The following TRAM2 variants were observed in gnomAD, a reference collection of about 807,000 sequenced individuals.
TRAM2 encodes translocation associated membrane protein 2, also known as translocating chain-associated membrane protein 2.
Under a neutral mutation model 51.0 loss-of-function variants are expected in TRAM2, and 12 were observed. The observed-to-expected ratio is 0.24, with a 90% CI of 0.15 to 0.38. TRAM2 has a LOEUF of 0.38. TRAM2 is among the 10% of genes least tolerant of loss of function. TRAM2 has a pLI of 1.00. For synonymous variants in TRAM2, 175 were observed against 179.4 expected (o/e 0.98, Z 0.20); for missense variants, 361 against 462.0 (o/e 0.78, Z 2.00).
chr6:52,522,754 C>T (rs1766699993), intron 2 of TRAM2: 1 of 594,164 alleles, frequency 1.7e-6, no homozygotes, highest in Non-Finnish European at 3.0e-6. Context: ...AAAGAGAGAC[C>T]TGAAATAATC....
chr6:52,498,426 C>G lies in TRAM2; in HGVS notation c.*4771G>C, dbSNP rs560678523. The G allele has an allele frequency of 6.6e-6, 1 of 152,140 alleles. No homozygotes were observed. The highest frequency in any genetic ancestry group is 2.4e-5 in the African/African-American group (1 of 41,364). The allele number at this position is 152,140 out of a possible 1,614,324, so 9.4% of individuals were successfully genotyped here. A position where few individuals can be genotyped will look rare whatever the true frequency, so the allele number is the denominator to read the frequency against. ...GAGACTGGGAAGTAAAAGTAAACAC[C>G]TTTATCATATAAACTTTGGGCTGAA... On this transcript the variant is annotated 3_prime_UTR_variant, in exon 11 of 11. Transcript: ENST00000182527.
intron 2 of TRAM2, among the ~76,000 whole-genome samples, chr6:52,521,003 A>C (rs1020669709): frequency 6.6e-6 from 1 of 152,100 alleles, no homozygotes; most frequent in East Asian, 1.9e-4. Flanking sequence ...CCCGGGTTCA[A>C]GCAATTCTCT....
chr6:52,556,127 A>G (rs1767400198), intron 1 of TRAM2, among the ~76,000 whole-genome samples: 1 of 151,988 alleles, frequency 6.6e-6, no homozygotes, highest in African/African-American at 2.4e-5. Context: ...AGAAGGGACA[A>G]GGTGAGGGGT....
chr6:52,528,886 CTT>C lies in TRAM2; in HGVS notation c.184+6895_184+6896del, dbSNP rs144917424. ...CACTGCCTTACAAACGTGTACATGA[CTT>C]TTTTTTTTTTTTTTTTTTTTGAGAC... On this transcript the variant is annotated intron_variant, in intron 2 of 10. Coordinates refer to ENST00000182527, the MANE Select transcript of TRAM2 (RefSeq NM_012288.4). Among the ~76,000 whole-genome samples the C allele has an allele frequency of 8.0e-3, 1,028 of 128,358 alleles. 4 individuals carry two copies. Among genetic ancestry groups the C allele is most frequent in the Middle Eastern group, 0.028 (7 of 250 alleles). The allele number at this position is 128,358 out of a possible 152,430, so 84.2% of individuals were successfully genotyped here.
Position 52,510,196 on chromosome 6 carries a change from A to G in TRAM2, c.412-610T>C, listed in dbSNP as rs116099260. Among the ~76,000 whole-genome samples, 1,000 of 152,266 alleles carry G rather than the reference A, an allele frequency of 6.6e-3. 14 individuals carry two copies. Among genetic ancestry groups the G allele is most frequent in the African/African-American group, 0.023 (939 of 41,550 alleles). On this transcript the variant is annotated intron_variant, in intron 4 of 10. Coordinates refer to ENST00000182527, the MANE Select transcript of TRAM2 (RefSeq NM_012288.4). The stretch of plus-strand genomic sequence containing the variant: ...TGTGTCATTACTGTCAGTTGTTTCC[A>G]TTACTCTTGCAAGTCCCTTCACACT...
At chr6:52,505,833 A>T in intron 8 of TRAM2, 91 bp from the exon 9 acceptor site, 1 of 1,509,096 alleles carries the variant, frequency 6.6e-7, no homozygotes, top group East Asian at 2.3e-5. Context: ...GAGTGGGAAG[A>T]GGATTCAAGG....
At chr6:52,563,973 C>G (rs145087146) in intron 1 of TRAM2, among the ~76,000 whole-genome samples, 2 of 151,382 alleles carry the variant, frequency 1.3e-5, no homozygotes, top group African/African-American at 4.9e-5. Flanking sequence ...GCTAAAGTAG[C>G]CAGCATTCCT....
At chr6:52,543,551 G>A (rs1581693957) in intron 1 of TRAM2, among the ~76,000 whole-genome samples, 1 of 152,130 alleles carries the variant, frequency 6.6e-6, no homozygotes, top group Non-Finnish European at 1.5e-5. Flanking sequence ...AAAAAAGAAA[G>A]GATTATGGAG....
intron 1 of TRAM2, among the ~76,000 whole-genome samples, chr6:52,563,811 T>C (rs1388806884): frequency 6.6e-6 from 1 of 150,992 alleles, no homozygotes; most frequent in Non-Finnish European, 1.5e-5. Flanking sequence ...TTTTGAGTCA[T>C]GTGAATGTAT....
intron 1 of TRAM2, among the ~76,000 whole-genome samples, chr6:52,573,276 A>G (rs2114112539): frequency 6.6e-6 from 1 of 152,232 alleles, no homozygotes; most frequent in Admixed American, 6.5e-5. Flanking sequence ...GGAGGAGGCT[A>G]CTTTCAAATC....
intron 1 of TRAM2, among the ~76,000 whole-genome samples, chr6:52,549,977 G>T (rs1257404629): frequency 1.3e-5 from 2 of 152,166 alleles, no homozygotes; most frequent in Non-Finnish European, 2.9e-5. Context: ...ATTGCCTGTT[G>T]TCATATATGA....
At chr6:52,542,068 A>G (rs1185280159) in intron 1 of TRAM2, among the ~76,000 whole-genome samples, 1 of 152,050 alleles carries the variant, frequency 6.6e-6, no homozygotes, top group East Asian at 1.9e-4. Context: ...GGTCCTGCTG[A>G]GGCTGGGAAA....
intron 1 of TRAM2, among the ~76,000 whole-genome samples, chr6:52,568,060 C>A (rs534645582): frequency 6.6e-6 from 1 of 152,330 alleles, no homozygotes; most frequent in Non-Finnish European, 1.5e-5. Context: ...ACATTTGACA[C>A]ATCCATGAAG....
chr6:52,521,069 A>ATT (rs776432117), intron 2 of TRAM2, among the ~76,000 whole-genome samples: 1 of 146,120 alleles, frequency 6.8e-6, no homozygotes, highest in Non-Finnish European at 1.5e-5. Flanking sequence ...GTTCCGGCAA[A>ATT]TTTTTTTTTT....
chr6:52,509,493 G>A (rs531983953), intron 5 of TRAM2, 35 bp downstream of exon 5: 16 of 1,607,184 alleles, frequency 1.0e-5, no homozygotes, highest in South Asian at 9.9e-5. Flanking sequence ...GGGCCCGGTC[G>A]CTCCTCCCTG....
At chr6:52,575,724 G>C (rs1249573003) in intron 1 of TRAM2, among the ~76,000 whole-genome samples, 1 of 152,134 alleles carries the variant, frequency 6.6e-6, no homozygotes, top group East Asian at 1.9e-4. Flanking sequence ...TAACCCAACC[G>C]TGAGAATGCA....
chr6:52,547,231 T>C (rs1424629510), intron 1 of TRAM2, among the ~76,000 whole-genome samples: 1 of 152,080 alleles, frequency 6.6e-6, no homozygotes, highest in Non-Finnish European at 1.5e-5. Context: ...TGGTTGGACA[T>C]GCAGAAAAAC....
intron 2 of TRAM2, among the ~76,000 whole-genome samples, chr6:52,534,642 T>G (rs982771529): frequency 6.6e-6 from 1 of 152,202 alleles, no homozygotes; most frequent in Non-Finnish European, 1.5e-5. Context: ...CTAAATTAGT[T>G]GGCAACATTT....
At chr6:52,520,352 C>T (rs528447419) in intron 2 of TRAM2, among the ~76,000 whole-genome samples, 187 of 152,294 alleles carry the variant, frequency 1.2e-3, no homozygotes, top group African/African-American at 4.4e-3. Flanking sequence ...TTCATAGAGA[C>T]CTCTCTTCCT....
Sources: gnomAD v4.1 joint callset for allele counts (sites outside exome capture counted in the v4.1 genomes callset) on GRCh38, gnomAD v4.1.1 for gene constraint, MANE v1.5 for transcripts, NCBI Gene and HGNC (gene_info 2026-07-23, HGNC 2026-07-21) for gene names.